The following SDHAF3 variants were observed in gnomAD, a reference collection of about 807,000 sequenced individuals.
SDHAF3 encodes succinate dehydrogenase complex assembly factor 3.
SDHAF3 carries 18 observed loss-of-function variants against 11.5 expected under a neutral mutation model. That is an observed-to-expected ratio of 1.56 (90% confidence interval 1.08 to 2.32). The LOEUF (loss-of-function observed/expected upper bound fraction) is 2.32. SDHAF3 is among the 30% of genes most tolerant of loss of function. The pLI is 0.00. For missense variants in SDHAF3, 200 were observed against 154.4 expected, an observed-to-expected ratio of 1.30 and a Z score of -1.57; for synonymous variants, 72 against 59.3, an observed-to-expected ratio of 1.21 and a Z score of -0.99.
chr7:97,121,854 G>GTTTTTTTTTTTTTTTTTTTT (rs56186976), intron 1 of SDHAF3, among the ~76,000 whole-genome samples: 1 of 129,924 alleles, frequency 7.7e-6, no homozygotes. Context: ...TTTTTTTTTT[G>GTTTTTTTTTTTTTTTTTTTT]TTTTTTTTTT....
intron 1 of SDHAF3, among the ~76,000 whole-genome samples, chr7:97,125,601 T>C (rs1258376685): frequency 2.0e-5 from 3 of 152,218 alleles, no homozygotes; most frequent in Admixed American, 2.0e-4. Context: ...ATCTCTGATA[T>C]CCTTTCTTCC....
At chr7:97,127,336 CTCT>C (rs1305302717) in intron 1 of SDHAF3, among the ~76,000 whole-genome samples, 1 of 152,178 alleles carries the variant, frequency 6.6e-6, no homozygotes, top group African/African-American at 2.4e-5. Context: ...ACTGTAACTG[CTCT>C]TCTTGATTAT....
chr7:97,163,187 T>TA (rs1554354052), intron 1 of SDHAF3, among the ~76,000 whole-genome samples: 53 of 141,940 alleles, frequency 3.7e-4, no homozygotes, highest in Non-Finnish European at 6.9e-4. Flanking sequence ...TTTTTTTTTT[T>TA]AATTTTTAGT....
chr7:97,145,100 T>G (rs1789116281), intron 1 of SDHAF3, among the ~76,000 whole-genome samples: 1 of 151,936 alleles, frequency 6.6e-6, no homozygotes, highest in South Asian at 2.1e-4. Flanking sequence ...CTTGATTTGA[T>G]TCTCCACTTG....
chr7:97,175,631 G>A (rs187529349), intron 1 of SDHAF3, among the ~76,000 whole-genome samples: 5 of 152,312 alleles, frequency 3.3e-5, no homozygotes, highest in Non-Finnish European at 7.3e-5. Flanking sequence ...CAGACTATAA[G>A]CAAGTTTAAT....
intron 1 of SDHAF3, among the ~76,000 whole-genome samples, chr7:97,167,835 A>G (rs1789533537): frequency 6.6e-6 from 1 of 152,222 alleles, no homozygotes; most frequent in Non-Finnish European, 1.5e-5. Flanking sequence ...TGATCTTGAC[A>G]GAGGCAGGAG....
Position 97,117,876 on chromosome 7 carries a change from G to T in SDHAF3, c.153G>T (p.Gln51His). The T allele has an allele frequency of 6.2e-7, 1 of 1,614,192 alleles. No individual in the cohort carries two copies. Among genetic ancestry groups the T allele is most frequent in the Non-Finnish European group, 8.5e-7 (1 of 1,179,994 alleles). ...AGACCGTTGGTTCTGACGAGGCACA[G>T]CGTTTCTTGCAAGAATGGGAGGCAA... ...RHKTVGSDEA[Q>H]RFLQEWEVYA... Residue 51 changes from glutamine to histidine, a missense_variant, in exon 1 of 2, where the codon CAG (glutamine) becomes CAT (histidine). Gln to His is a conservative substitution (Grantham distance 24). Transcript: ENST00000432641.
At chr7:97,175,751 T>C (rs979309448) in intron 1 of SDHAF3, among the ~76,000 whole-genome samples, 1 of 152,216 alleles carries the variant, frequency 6.6e-6, no homozygotes, top group African/African-American at 2.4e-5. Flanking sequence ...TTTCAAAAAC[T>C]CTAGTGGGAA....
At chr7:97,173,245 T>C (rs1360609720) in intron 1 of SDHAF3, among the ~76,000 whole-genome samples, 1 of 152,238 alleles carries the variant, frequency 6.6e-6, no homozygotes, top group East Asian at 1.9e-4. Flanking sequence ...GAAATAGTTT[T>C]AGTTGAATGT....
At position 97,164,458 on chromosome 7, in the gene SDHAF3, C is replaced by G. The variant is rs1789470279; in HGVS notation, c.175-16554C>G. On this transcript the variant is annotated intron_variant, in intron 1 of 1. Transcript: ENST00000432641. ...AGTGCAATGGCGCAATCTCGGCTCA[C>G]CACAACCTCCCGGATTAAAGCGATT... Among the ~76,000 whole-genome samples the G allele has an allele frequency of 1.3e-5, 2 of 150,994 alleles. 1 individual carries two copies. Among genetic ancestry groups the G allele is most frequent in the Middle Eastern group, 6.3e-3 (2 of 316 alleles).
chr7:97,181,482 T>G lies in SDHAF3; in HGVS notation c.*267T>G, dbSNP rs1238809608. 1 of 288,702 alleles carries G rather than the reference T, an allele frequency of 3.5e-6. No individual in the cohort carries two copies. Among genetic ancestry groups the G allele is most frequent in the Admixed American group, 4.8e-5 (1 of 20,954 alleles). The allele number at this position is 288,702 out of a possible 1,614,324, so 17.9% of individuals were successfully genotyped here. A position where few individuals can be genotyped will look rare whatever the true frequency, so the allele number is the denominator to read the frequency against. On this transcript the variant is annotated 3_prime_UTR_variant, in exon 2 of 2. Coordinates refer to ENST00000432641, the MANE Select transcript of SDHAF3 (RefSeq NM_020186.3). Reference sequence around the variant, plus strand: ...TTGCTGAAAATGTTTTAAAATGCTATTCTCATCCAGCCATATTAGTCTTCT... The same window carrying G: ...TTGCTGAAAATGTTTTAAAATGCTAGTCTCATCCAGCCATATTAGTCTTCT...
chr7:97,123,700 A>ATAC (rs1373702913), intron 1 of SDHAF3, among the ~76,000 whole-genome samples: 3,794 of 151,876 alleles, frequency 0.025, 144 homozygotes, highest in African/African-American at 0.087. Context: ...AACTGGCGTG[A>ATAC]GATGGTATCT....
intron 1 of SDHAF3, among the ~76,000 whole-genome samples, chr7:97,173,218 G>A (rs908597689): frequency 1.3e-5 from 2 of 152,206 alleles, no homozygotes; most frequent in Non-Finnish European, 2.9e-5. Context: ...ACCTGTAGTT[G>A]AAAGTGAGAA....
chr7:97,136,660 T>C (rs941877371), intron 1 of SDHAF3, among the ~76,000 whole-genome samples: 1 of 152,214 alleles, frequency 6.6e-6, no homozygotes, highest in African/African-American at 2.4e-5. Context: ...AAGAAGTTAT[T>C]CAGAAGTTTT....
At chr7:97,155,234 A>T (rs2115701980) in intron 1 of SDHAF3, among the ~76,000 whole-genome samples, 1 of 152,328 alleles carries the variant, frequency 6.6e-6, no homozygotes, top group Admixed American at 6.5e-5. Context: ...GCATTGCTTC[A>T]ATTTTAAAAT....
Position 97,136,277 on chromosome 7 carries a change from T to A in SDHAF3, c.174+18380T>A, listed in dbSNP as rs906563108. On this transcript the variant is annotated intron_variant, in intron 1 of 1. Transcript: ENST00000432641. ...TAACTTTTAGGTATATTGGCAAACT[T>A]ACTAATTAAAAGAGTTCTTTTGTGA... 5 of 470,754 alleles carry A rather than the reference T, an allele frequency of 1.1e-5. No individual in the cohort carries two copies. In the Admixed American group the frequency reaches 1.8e-4, roughly 17 times the overall value. The allele number at this position is 470,754 out of a possible 1,614,324, so 29.2% of individuals were successfully genotyped here. A position where few individuals can be genotyped will look rare whatever the true frequency, so the allele number is the denominator to read the frequency against.
chr7:97,168,370 A>G (rs774149259), intron 1 of SDHAF3, among the ~76,000 whole-genome samples: 2 of 152,236 alleles, frequency 1.3e-5, no homozygotes, highest in Non-Finnish European at 2.9e-5. Context: ...TGTTAGTCCT[A>G]CAACAGCAGT....
intron 1 of SDHAF3, among the ~76,000 whole-genome samples, chr7:97,158,408 A>T (rs1291443855): frequency 2.0e-5 from 3 of 152,050 alleles, no homozygotes; most frequent in Non-Finnish European, 4.4e-5. Flanking sequence ...GCTCATTGCA[A>T]CCTCTGTCTC....
intron 1 of SDHAF3, among the ~76,000 whole-genome samples, chr7:97,144,099 G>A (rs1004055380): frequency 2.6e-5 from 4 of 152,124 alleles, no homozygotes; most frequent in East Asian, 1.9e-4. Flanking sequence ...GATGCTGAGC[G>A]TTTTTTCATA....
Sources: gnomAD v4.1 joint callset for allele counts (sites outside exome capture counted in the v4.1 genomes callset) on GRCh38, gnomAD v4.1.1 for gene constraint, MANE v1.5 for transcripts, NCBI Gene and HGNC (gene_info 2026-07-23, HGNC 2026-07-21) for gene names.